The following NCL variants were observed in gnomAD, a reference collection of about 807,000 sequenced individuals.
NCL encodes the protein nucleolin multifunctional protein.
A neutral mutation model predicts 77.7 loss-of-function variants in NCL; 4 were observed. The ratio of observed to expected loss-of-function variants is 0.05; its 90% CI spans 0.03 to 0.12. NCL has a LOEUF of 0.12. NCL is among the 10% of genes least tolerant of loss of function. The pLI is 1.00. For missense variants in NCL, 763 were observed against 860.9 expected (o/e 0.89, Z 1.42); for synonymous variants, 344 against 297.8 (o/e 1.16, Z -1.60).
rs186256356 is a variant in NCL at position 231,454,018 on chromosome 2, A to T, written c.*1173T>A. ...AAGGGAGGTTGAGAGGCAAGTACTT[A>T]AGACCAGAAAGAATAAGCAATATAC... On this transcript the variant is annotated 3_prime_UTR_variant, in exon 14 of 14. Transcript: ENST00000322723. 1.3e-5 allele frequency: 2 copies of T among 152,324 alleles called. No homozygotes were observed. The highest frequency in any genetic ancestry group is 3.4e-3 in the Middle Eastern group (1 of 294). The allele number at this position is 152,324 out of a possible 1,614,324, so 9.4% of individuals were successfully genotyped here. A position where few individuals can be genotyped will look rare whatever the true frequency, so the allele number is the denominator to read the frequency against.
At chr2:231,458,913 A>G in intron 7 of NCL, 88 bp downstream of exon 7, 11 of 1,331,324 alleles carry the variant, frequency 8.3e-6, no homozygotes, top group African/African-American at 1.5e-5. Flanking sequence ...AAAAAATAAG[A>G]GGAAACCAAG....
intron 2 of NCL, 30 bp downstream of exon 2, chr2:231,463,170 A>T (rs779835200): frequency 2.0e-6 from 3 of 1,473,278 alleles, no homozygotes; most frequent in African/African-American, 2.8e-5. Context: ...TAGTTTTAAC[A>T]TAATTCTGCA....
At chr2:231,458,191 C>G in intron 8 of NCL, 75 bp downstream of exon 8, 1 of 1,557,498 alleles carries the variant, frequency 6.4e-7, no homozygotes, top group Non-Finnish European at 8.7e-7. Context: ...GGAAATCAAA[C>G]CAATATTTCT....
rs761678175 is a variant in NCL, at chr2:231,457,057, T to C, written c.1515A>G (p.Val505=). 1 of 1,614,166 alleles carries C rather than the reference T, an allele frequency of 6.2e-7. No individual in the cohort carries two copies. Among genetic ancestry groups the C allele is most frequent in the South Asian group, 1.1e-5 (1 of 91,076 alleles). ...CTTTGATAAAAGTTGCTTTCTCAAA[T>C]ACTTCCTGAAGAGTTTCTTCTGTTG... ...YSATEETLQE[V]FEKATFIKVP... is the part of the protein sequence containing the mutation. The change falls in exon 10 of 14, where the codon GTA becomes GTG. Residue 505 remains valine (V), a synonymous_variant. Coordinates refer to ENST00000322723, the MANE Select transcript of NCL (RefSeq NM_005381.3).
In NCL at chr2:231,460,764, T is replaced by A; in HGVS notation, c.716A>T (p.Glu239Val). 6.2e-7 allele frequency: 1 copy of A among 1,613,996 alleles called. No homozygotes were observed. Among genetic ancestry groups the A allele is most frequent in the Non-Finnish European group, 8.5e-7 (1 of 1,179,880 alleles). The stretch of plus-strand genomic sequence containing the variant: ...GTCATCCTCGTCCTCATCATCCTCT[T>A]CTTCATCTTCATCCTCAGCCACGTT... ...AKNVAEDEDE[E>V]EDDEDEDDDD... Residue 239 changes from glutamate (E) to valine (V), a missense_variant, in exon 4 of 14, where the codon GAA becomes GTA. By Grantham distance (121) the Glu-to-Val change is moderately radical. This residue lies in a region of NCL where 590 missense variants were observed against 570.5 expected (regional missense o/e 1.03). Coordinates refer to ENST00000322723, the MANE Select transcript of NCL (RefSeq NM_005381.3).
At position 231,460,751 on chromosome 2, in the gene NCL, CTCA is replaced by C. The variant is rs768878357; in HGVS notation, c.726_728del (p.Asp242del). 12 of 1,612,274 alleles carry C rather than the reference CTCA, an allele frequency of 7.4e-6. No homozygotes were observed. The East Asian group carries it at 1.6e-4, about 21-fold the overall frequency. ...CTTCGTCGTCGTCGTCATCCTCGTC[CTCA>C]TCATCCTCTTCTTCATCTTCATCCT... On this transcript the variant is annotated inframe_deletion, in exon 4 of 14. Coordinates refer to ENST00000322723, the MANE Select transcript of NCL (RefSeq NM_005381.3).
Position 231,460,606 on chromosome 2 carries a change from C to G in NCL, c.812-42G>C, listed in dbSNP as rs141812937. On this transcript the variant is annotated intron_variant, in intron 4 of 13. Transcript: ENST00000322723. ...ACAATGTATCACACATCAGTAGCCA[C>G]AAACACTTAAGTGCCTCCTTTAAAC... The G allele has an allele frequency of 6.1e-5, 99 of 1,614,154 alleles. No individual in the cohort carries two copies. In the African/African-American group the frequency reaches 1.1e-3, roughly 18 times the overall value.
Position 231,454,962 on chromosome 2 carries a change from A to G in NCL, c.*229T>C, listed in dbSNP as rs1319341202. The G allele has an allele frequency of 2.3e-6, 1 of 439,464 alleles. No homozygotes were observed. Among genetic ancestry groups the G allele is most frequent in the Non-Finnish European group, 4.0e-6 (1 of 247,686 alleles). The allele number at this position is 439,464 out of a possible 1,614,324, so 27.2% of individuals were successfully genotyped here. On this transcript the variant is annotated 3_prime_UTR_variant, in exon 14 of 14. Transcript: ENST00000322723. ...GAAACAATATAAATTCAAAACTTAC[A>G]GATAAGGGTTAGCTCTATCACTCAA...
In NCL at chr2:231,461,673, G is replaced by GTCATCCTCC. The variant is rs751696828; in HGVS notation, c.471_479dup (p.Glu157_Asp159dup). ...CATCTTCATCCTCATCCTCGTCCTCGTCATCCTCCTCATCCTCCTCACTGT... is the reference window on the plus strand; with the variant it reads ...CATCTTCATCCTCATCCTCGTCCTCGTCATCCTCCTCATCCTCCTCATCCTCCTCACTGT... On this transcript the variant is annotated inframe_insertion, in exon 3 of 14. Transcript: ENST00000322723. 2.5e-6 allele frequency: 4 copies of GTCATCCTCC among 1,611,548 alleles called. No homozygotes were observed. The highest frequency in any genetic ancestry group is 2.2e-5 in the East Asian group (1 of 44,854).
intron 1 of NCL, 144 bp from the exon 2 acceptor site, chr2:231,463,460 ACTC>A: frequency 1.4e-6 from 1 of 707,754 alleles, no homozygotes; most frequent in Non-Finnish European, 2.5e-6. Context: ...CATAGAAACT[ACTC>A]CTGATGGCAA....
At chr2:231,458,903 A>G (rs2046919714) in intron 7 of NCL, 98 bp downstream of exon 7, 1 of 1,311,222 alleles carries the variant, frequency 7.6e-7, no homozygotes, top group Admixed American at 2.8e-5. Context: ...AAATGATTTA[A>G]AAAAATAAGA....
Position 231,460,873 on chromosome 2 carries a change from G to A in NCL, c.614-7C>T. 2.5e-6 allele frequency: 4 copies of A among 1,611,320 alleles called. No homozygotes were observed. Among genetic ancestry groups the A allele is most frequent in the Non-Finnish European group, 3.4e-6 (4 of 1,177,888 alleles). On this transcript the variant is annotated splice_polypyrimidine_tract_variant and splice_region_variant and intron_variant, in intron 3 of 13. Transcript: ENST00000322723. ...ATAGCTTCTTCTTCAGAGTCTGAAAGAGAAGTCACCTAAAAATTGCAGCAA... is the reference window on the plus strand; with the variant it reads ...ATAGCTTCTTCTTCAGAGTCTGAAAAAGAAGTCACCTAAAAATTGCAGCAA...
chr2:231,456,913 T>C (rs2046894733), intron 10 of NCL, 88 bp downstream of exon 10: 4 of 1,566,458 alleles, frequency 2.6e-6, no homozygotes, highest in Non-Finnish European at 3.5e-6. Context: ...TTATTTGGCT[T>C]TTCTGACAGG....
At chr2:231,455,827 C>T (rs757364315) in intron 12 of NCL, 183 bp downstream of exon 12, 4 of 1,204,080 alleles carry the variant, frequency 3.3e-6, no homozygotes, top group Non-Finnish European at 4.9e-6. Context: ...GCTAAATATA[C>T]CTCTGTAAAG....
intron 9 of NCL, chr2:231,457,332 TGACTG>T: frequency 1.3e-6 from 1 of 797,006 alleles, no homozygotes; most frequent in Non-Finnish European, 2.2e-6. Flanking sequence ...CATAGGCTGA[TGACTG>T]GTCTGTTTTC....
In NCL at chr2:231,456,063, G is replaced by A. The variant is rs189865329; in HGVS notation, c.1779C>T (p.Asp593=). 271 of 1,614,064 alleles carry A rather than the reference G, an allele frequency of 1.7e-4. No individual in the cohort carries two copies. In the East Asian group the frequency reaches 4.1e-3, roughly 24 times the overall value. ...TAACTATCCTTGCCCGAACGGAGCC[G>A]TCAAATGACTCCTTTAATGTCTCTT... ...TTEETLKESF[D]GSVRARIVTD... is the part of the protein sequence containing the mutation. The change falls in exon 12 of 14, where the codon GAC becomes GAT. Residue 593 remains aspartate (D), a synonymous_variant. Transcript: ENST00000322723.
Position 231,464,323 on chromosome 2 carries a change from C to A in NCL, c.18+13G>T. The A allele has an allele frequency of 1.3e-6, 2 of 1,590,786 alleles. No individual in the cohort carries two copies. The highest frequency in any genetic ancestry group is 2.3e-5 in the South Asian group (2 of 87,782). On this transcript the variant is annotated intron_variant, in intron 1 of 13. Transcript: ENST00000322723. The stretch of plus-strand genomic sequence containing the variant: ...AGGCCTACACGTCTGCGCTCGCGCT[C>A]AAGGCCGTTTACCTTCGCGAGCTTC...
At chr2:231,457,430 A>G in intron 9 of NCL, 1 of 747,300 alleles carries the variant, frequency 1.3e-6, no homozygotes, top group Non-Finnish European at 2.4e-6. Context: ...TGATTTGCCT[A>G]CTGTATTCCA....
intron 2 of NCL, among the ~76,000 whole-genome samples, chr2:231,462,218 A>T (rs2046959817): frequency 6.6e-6 from 1 of 152,198 alleles, no homozygotes; most frequent in Non-Finnish European, 1.5e-5. Flanking sequence ...CCCAGACATA[A>T]GGAACTCTTT....
Sources: allele counts gnomAD v4.1 joint callset (sites outside exome capture counted in the v4.1 genomes callset), GRCh38; gene constraint gnomAD v4.1.1; regional missense constraint gnomAD v4.1.1; transcripts MANE v1.5; gene names NCBI Gene and HGNC (gene_info 2026-07-23, HGNC 2026-07-21).